The following LRMDA variants were observed in gnomAD, a reference collection of about 807,000 sequenced individuals.
The protein encoded by LRMDA is leucine-rich melanocyte differentiation-associated protein.
A neutral mutation model predicts 29.8 loss-of-function variants in LRMDA; 18 were observed. The ratio of observed to expected loss-of-function variants is 0.60; its 90% CI spans 0.42 to 0.90. The LOEUF (loss-of-function observed/expected upper bound fraction) is 0.90. LRMDA is among the 40% of genes least tolerant of loss of function. The pLI is 0.00. For missense variants in LRMDA, 273 were observed against 273.9 expected (o/e 1.00, Z 0.02); for synonymous variants, 125 against 109.4 (o/e 1.14, Z -0.89).
At chr10:75,922,669 A>C (rs554031888) in intron 2 of LRMDA, among the ~76,000 whole-genome samples, 1 of 152,284 alleles carries the variant, frequency 6.6e-6, no homozygotes, top group East Asian at 1.9e-4. Flanking sequence ...CACTGACTGC[A>C]GGACTGTTTC....
At chr10:75,513,103 A>T (rs1845245179) in intron 2 of LRMDA, among the ~76,000 whole-genome samples, 1 of 152,284 alleles carries the variant, frequency 6.6e-6, no homozygotes, top group South Asian at 2.1e-4. Flanking sequence ...TGGGGTAGTT[A>T]CTTGTTAAAA....
chr10:75,454,931 G>C (rs973692656), intron 2 of LRMDA, among the ~76,000 whole-genome samples: 1 of 152,214 alleles, frequency 6.6e-6, no homozygotes, highest in Non-Finnish European at 1.5e-5. Context: ...GTGTCGTGAA[G>C]CACAGAAGAA....
chr10:75,653,575 A>C (rs1841627129), intron 2 of LRMDA, among the ~76,000 whole-genome samples: 1 of 152,238 alleles, frequency 6.6e-6, no homozygotes, highest in Non-Finnish European at 1.5e-5. Flanking sequence ...AATAATGAAA[A>C]TATAATTTTC....
intron 5 of LRMDA, among the ~76,000 whole-genome samples, chr10:76,237,791 T>TTTC: frequency 6.8e-6 from 1 of 145,988 alleles, no homozygotes; most frequent in East Asian, 2.0e-4. Flanking sequence ...AGTGCTTTTT[T>TTTC]TTTTTTTTTT....
At chr10:76,553,052 T>TC (rs1401840082) in intron 6 of LRMDA, among the ~76,000 whole-genome samples, 2 of 152,220 alleles carry the variant, frequency 1.3e-5, no homozygotes, top group African/African-American at 4.8e-5. Flanking sequence ...TACTTTTTTT[T>TC]CATAATTATA....
At chr10:76,532,258 T>A (rs577105971) in intron 6 of LRMDA, among the ~76,000 whole-genome samples, 1 of 152,186 alleles carries the variant, frequency 6.6e-6, no homozygotes, top group African/African-American at 2.4e-5. Context: ...CTTCCACTTA[T>A]GAGTGAGAAC....
chr10:75,852,959 C>T (rs1025443682), intron 2 of LRMDA, among the ~76,000 whole-genome samples: 18 of 152,136 alleles, frequency 1.2e-4, no homozygotes, highest in African/African-American at 4.3e-4. Context: ...GGGAACCAAA[C>T]ACATTCTTCT....
Position 76,254,300 on chromosome 10 carries a change from T to TATACCATACCATACCATACCATACC in LRMDA, c.517-70083_517-70059dup, listed in dbSNP as rs1554859356. ...TGGAAATTACTATACTATACTATAC[T>TATACCATACCATACCATACCATACC]ATACCATACCATACCATACCATACC... On this transcript the variant is annotated intron_variant, in intron 5 of 6. Coordinates refer to ENST00000611255, the MANE Select transcript of LRMDA (RefSeq NM_001305581.2). 1.7e-3 allele frequency among the ~76,000 whole-genome samples: 152 copies of TATACCATACCATACCATACCATACC among 90,604 alleles called. 2 individuals are homozygous for TATACCATACCATACCATACCATACC. The highest frequency in any genetic ancestry group is 2.2e-3 in the Admixed American group (20 of 9,094). 59.4% of individuals were successfully genotyped at this position (90,604 alleles called of 152,430 possible).
intron 2 of LRMDA, among the ~76,000 whole-genome samples, chr10:75,780,399 T>C (rs2204753): frequency 0.39 from 58,825 of 151,934 alleles, 13,043 homozygotes; most frequent in South Asian, 0.54. Context: ...ATGTTCACCC[T>C]TGTACTTTGG....
chr10:75,802,056 T>A (rs1229387874), intron 2 of LRMDA, among the ~76,000 whole-genome samples: 1 of 152,162 alleles, frequency 6.6e-6, no homozygotes, highest in Non-Finnish European at 1.5e-5. Context: ...TGGTGGCTCA[T>A]GCCTGTAATC....
intron 2 of LRMDA, among the ~76,000 whole-genome samples, chr10:75,793,773 T>C (rs1388528185): frequency 6.6e-6 from 1 of 152,186 alleles, no homozygotes; most frequent in Non-Finnish European, 1.5e-5. Context: ...GGTCCTGCAG[T>C]ACAGATGACA....
chr10:75,722,486 A>G (rs748600352), intron 2 of LRMDA, among the ~76,000 whole-genome samples: 5 of 152,144 alleles, frequency 3.3e-5, no homozygotes, highest in Admixed American at 6.6e-5. Context: ...TTATAAATGA[A>G]GAGTTACTTT....
chr10:75,692,197 G>T (rs1842167115), intron 2 of LRMDA, among the ~76,000 whole-genome samples: 1 of 110,440 alleles, frequency 9.1e-6, no homozygotes, highest in African/African-American at 4.1e-5. Context: ...GCAAGACCTT[G>T]TCTCTGGGGG....
chr10:76,173,817 C>A lies in LRMDA; in HGVS notation c.516+115034C>A, dbSNP rs569356061. Among the ~76,000 whole-genome samples the A allele has an allele frequency of 3.1e-4, 47 of 152,278 alleles. No homozygotes were observed. In the South Asian group the frequency reaches 7.1e-3, roughly 23 times the overall value. On this transcript the variant is annotated intron_variant, in intron 5 of 6. Coordinates refer to ENST00000611255, the MANE Select transcript of LRMDA (RefSeq NM_001305581.2). The stretch of plus-strand genomic sequence containing the variant: ...CTGGGACTACAGGCACGTGCCACCA[C>A]ACTTGGCTAACTTTTTGGATTTTTA...
At chr10:75,920,906 G>A (rs1305368931) in intron 2 of LRMDA, among the ~76,000 whole-genome samples, 2 of 152,154 alleles carry the variant, frequency 1.3e-5, no homozygotes, top group African/African-American at 2.4e-5. Context: ...GTGTGCGGAT[G>A]GGCCATGTTG....
chr10:76,353,361 T>TGTGA (rs771855755), intron 6 of LRMDA, among the ~76,000 whole-genome samples: 11 of 150,884 alleles, frequency 7.3e-5, no homozygotes, highest in Non-Finnish European at 1.2e-4. Context: ...TGTGTGTGTG[T>TGTGA]GAGATAGATT....
intron 2 of LRMDA, among the ~76,000 whole-genome samples, chr10:75,858,684 A>G (rs1844869151): frequency 6.6e-6 from 1 of 152,174 alleles, no homozygotes; most frequent in South Asian, 2.1e-4. Flanking sequence ...TGTTTGTTCT[A>G]TAAATTTCTG....
chr10:76,078,306 G>A (rs1460813436), intron 5 of LRMDA, among the ~76,000 whole-genome samples: 1 of 151,878 alleles, frequency 6.6e-6, no homozygotes, highest in Non-Finnish European at 1.5e-5. Context: ...ACGGCTCCCG[G>A]CCAATATTAA....
chr10:76,219,559 G>A (rs1851791494), intron 5 of LRMDA, among the ~76,000 whole-genome samples: 1 of 152,170 alleles, frequency 6.6e-6, no homozygotes, highest in Non-Finnish European at 1.5e-5. Context: ...TCAACAAGAA[G>A]AGCTAACTAT....
Sources: gnomAD v4.1 joint callset for allele counts (sites outside exome capture counted in the v4.1 genomes callset) on GRCh38, gnomAD v4.1.1 for gene constraint, MANE v1.5 for transcripts, NCBI Gene and HGNC (gene_info 2026-07-23, HGNC 2026-07-21) for gene names.